The following NHSL2 variants were observed in gnomAD, a reference collection of about 807,000 sequenced individuals.
NHSL2 encodes the protein NHS-like protein 2.
Under a neutral mutation model 53.4 loss-of-function variants are expected in NHSL2, and 27 were observed. The observed-to-expected ratio is 0.51, with a 90% CI of 0.37 to 0.70. The LOEUF is 0.70. Ranked by LOEUF, NHSL2 falls within the 30% of genes least tolerant of loss-of-function variation. The pLI, the probability that NHSL2 is intolerant of heterozygous loss-of-function variation, is 0.00. For synonymous variants in NHSL2, 408 were observed against 404.1 expected, an observed-to-expected ratio of 1.01 and a Z score of -0.12; for missense variants, 892 against 980.1, an observed-to-expected ratio of 0.91 and a Z score of 1.20.
At chrX:72,118,230 G>A (rs1008774802) in intron 1 of NHSL2, among the ~76,000 whole-genome samples, 2 of 111,575 alleles carry the variant, frequency 1.8e-5, no homozygotes, top group African/African-American at 3.3e-5. Context: ...TAATGATGTC[G>A]AGCATCTTTT....
chrX:71,976,046 A>T (rs775433569), intron 1 of NHSL2, among the ~76,000 whole-genome samples: 1 of 111,817 alleles, frequency 8.9e-6, no homozygotes, highest in African/African-American at 3.2e-5. Context: ...TGCTAAGGAC[A>T]TATCCTCCAT....
chrX:71,980,238 A>G (rs956033823), intron 1 of NHSL2, among the ~76,000 whole-genome samples: 6 of 111,587 alleles, frequency 5.4e-5, no homozygotes, highest in South Asian at 3.8e-4. Flanking sequence ...TTGACTTGGC[A>G]ATGCAGGCTC....
intron 1 of NHSL2, among the ~76,000 whole-genome samples, chrX:71,995,275 C>T (rs987727273): frequency 1.3e-4 from 15 of 112,379 alleles, no homozygotes; most frequent in African/African-American, 3.9e-4. Flanking sequence ...CCTATTCCAG[C>T]TTGGATCCTC....
At position 71,995,694 on chromosome X, in the gene NHSL2, C is replaced by T. The variant is rs1485513945; in HGVS notation, c.280+84327C>T. The stretch of plus-strand genomic sequence containing the variant: ...TTATAGAATAACACCCCCAGCCCTG[C>T]TGGTCCCCTGAGCCCCTCCGTTGTT... On this transcript the variant is annotated intron_variant, in intron 1 of 7. Coordinates refer to ENST00000633930, the MANE Select transcript of NHSL2 (RefSeq NM_001013627.3). 2.7e-5 allele frequency among the ~76,000 whole-genome samples: 3 copies of T among 112,515 alleles called. 1 individual carries two copies. The highest frequency in any genetic ancestry group is 3.8e-5 in the Non-Finnish European group (2 of 53,299).
At chrX:72,013,329 AT>A (rs2042123379) in intron 1 of NHSL2, among the ~76,000 whole-genome samples, 1 of 111,612 alleles carries the variant, frequency 9.0e-6, no homozygotes, top group South Asian at 3.7e-4. Flanking sequence ...TTCAGCATCC[AT>A]GTGTTCATTG....
At chrX:71,930,718 A>G (rs1237112403) in intron 1 of NHSL2, among the ~76,000 whole-genome samples, 1 of 112,447 alleles carries the variant, frequency 8.9e-6, no homozygotes, top group African/African-American at 3.2e-5. Context: ...GCATGTATCA[A>G]TACTTCATTA....
chrX:71,938,591 T>C (rs772614932), intron 1 of NHSL2, among the ~76,000 whole-genome samples: 1 of 112,423 alleles, frequency 8.9e-6, no homozygotes, highest in Admixed American at 9.4e-5. Context: ...GTCATCATTG[T>C]TATTTCCGTT....
chrX:72,131,299 C>T lies in NHSL2; in HGVS notation c.281-780C>T. ...CCGGCACAAGAAGGGCAGTTCTCCC[C>T]CGGGAATGACTTCGATCTCACTGAG... is the stretch of plus-strand genomic sequence containing the variant. On this transcript the variant is annotated intron_variant, in intron 1 of 7. Coordinates refer to ENST00000633930, the MANE Select transcript of NHSL2 (RefSeq NM_001013627.3). 2.5e-6 allele frequency: 3 copies of T among 1,199,873 alleles called. No individual in the cohort carries two copies. Among genetic ancestry groups the T allele is most frequent in the Non-Finnish European group, 3.4e-6 (3 of 889,481 alleles).
intron 1 of NHSL2, among the ~76,000 whole-genome samples, chrX:71,960,549 C>G (rs1049202349): frequency 1.3e-4 from 15 of 111,953 alleles, no homozygotes; most frequent in African/African-American, 3.9e-4. Context: ...GTCTTTGATC[C>G]ATTTCTCTTT....
At chrX:71,946,052 C>A (rs1018946161) in intron 1 of NHSL2, among the ~76,000 whole-genome samples, 2 of 112,208 alleles carry the variant, frequency 1.8e-5, no homozygotes, top group Admixed American at 1.9e-4. Flanking sequence ...ATAAGATCGG[C>A]TCATTGTCTT....
Position 72,144,691 on chromosome X carries a change from T to C in NHSL2, c.*1117T>C, listed in dbSNP as rs1418650557. 6.0e-6 allele frequency: 2 copies of C among 330,594 alleles called. No homozygotes were observed. Among genetic ancestry groups the C allele is most frequent in the Non-Finnish European group, 1.1e-5 (2 of 183,251 alleles). The allele number at this position is 330,594 out of a possible 1,213,427, so 27.2% of individuals were successfully genotyped here. A position where few individuals can be genotyped will look rare whatever the true frequency, so the allele number is the denominator to read the frequency against. ...TCTAAAAGGCAGTCTTGCCAGTTGCTATGGCCCATAATGCACACACACACA... is the reference window on the plus strand; with the variant it reads ...TCTAAAAGGCAGTCTTGCCAGTTGCCATGGCCCATAATGCACACACACACA... On this transcript the variant is annotated 3_prime_UTR_variant, in exon 8 of 8. Coordinates refer to ENST00000633930, the MANE Select transcript of NHSL2 (RefSeq NM_001013627.3).
intron 1 of NHSL2, among the ~76,000 whole-genome samples, chrX:71,992,703 A>C (rs1420307078): frequency 8.9e-6 from 1 of 112,477 alleles, no homozygotes; most frequent in Non-Finnish European, 1.9e-5. Context: ...AACTTATGTC[A>C]GCAAGGCGTT....
At chrX:71,992,695 CTT>C (rs2042032837) in intron 1 of NHSL2, among the ~76,000 whole-genome samples, 2 of 112,528 alleles carry the variant, frequency 1.8e-5, no homozygotes, top group Non-Finnish European at 3.8e-5. Flanking sequence ...CTGCCACTAA[CTT>C]ATGTCAGCAA....
chrX:71,989,733 C>T (rs1224364878), intron 1 of NHSL2, among the ~76,000 whole-genome samples: 1 of 112,564 alleles, frequency 8.9e-6, no homozygotes, highest in Non-Finnish European at 1.9e-5. Context: ...GCAGCCTCTT[C>T]CCAGAGGGCA....
chrX:72,056,067 G>A (rs1465433475), intron 1 of NHSL2, among the ~76,000 whole-genome samples: 5 of 111,605 alleles, frequency 4.5e-5, no homozygotes, highest in Admixed American at 2.8e-4. Flanking sequence ...AATTTTTTAC[G>A]GAATTATTAC....
intron 1 of NHSL2, among the ~76,000 whole-genome samples, chrX:71,977,388 A>G (rs2041952921): frequency 9.2e-6 from 1 of 109,181 alleles, no homozygotes; most frequent in Non-Finnish European, 1.9e-5. Context: ...TCCTTCATGA[A>G]TATATGTGCT....
chrX:72,050,502 A>G (rs2042333840), intron 1 of NHSL2, among the ~76,000 whole-genome samples: 1 of 112,011 alleles, frequency 8.9e-6, no homozygotes. Flanking sequence ...TCAGAAGATA[A>G]TGTAGCAAAT....
intron 1 of NHSL2, among the ~76,000 whole-genome samples, chrX:71,942,724 G>A (rs1201428347): frequency 8.9e-6 from 1 of 112,103 alleles, no homozygotes; most frequent in Non-Finnish European, 1.9e-5. Context: ...AAGTCATGAA[G>A]GTAGTACACA....
chrX:71,998,908 TGAGCATCTCCA>T (rs2042061206), intron 1 of NHSL2, among the ~76,000 whole-genome samples: 1 of 112,272 alleles, frequency 8.9e-6, no homozygotes, highest in Non-Finnish European at 1.9e-5. Flanking sequence ...ATTACCTGTT[TGAGCATCTCCA>T]GAGCATAGTA....
Sources: gnomAD v4.1 joint callset for allele counts (sites outside exome capture counted in the v4.1 genomes callset) on GRCh38, gnomAD v4.1.1 for gene constraint, MANE v1.5 for transcripts, NCBI Gene and HGNC (gene_info 2026-07-23, HGNC 2026-07-21) for gene names.